The following KCNN3 variants were observed in gnomAD, a reference collection of about 807,000 sequenced individuals.
The protein encoded by KCNN3 is small conductance calcium-activated potassium channel protein 3.
KCNN3 carries 16 observed loss-of-function variants against 62.9 expected under a neutral mutation model. The ratio of observed to expected loss-of-function variants is 0.25; its 90% confidence interval spans 0.17 to 0.39. The LOEUF (loss-of-function observed/expected upper bound fraction) is 0.39. Among genes scored for constraint, KCNN3 ranks in the 10% least tolerant of loss-of-function variants. KCNN3 has a pLI of 1.00. For synonymous variants in KCNN3, 370 were observed against 389.2 expected (o/e 0.95, Z 0.58); for missense variants, 599 against 949.4 (o/e 0.63, Z 4.85).
At chr1:154,816,599 C>T (rs1318256540) in intron 2 of KCNN3, among the ~76,000 whole-genome samples, 1 of 152,124 alleles carries the variant, frequency 6.6e-6, no homozygotes, top group Non-Finnish European at 1.5e-5. Flanking sequence ...TTATTCCATG[C>T]CTGGGGCTCT....
chr1:154,847,280 A>G (rs1652112395), intron 1 of KCNN3, among the ~76,000 whole-genome samples: 2 of 150,556 alleles, frequency 1.3e-5, no homozygotes, highest in South Asian at 4.2e-4. Context: ...CAGCGTGAAT[A>G]TCAGGTCACT....
intron 6 of KCNN3, among the ~76,000 whole-genome samples, chr1:154,714,282 GTGTGT>G (rs1700162821): frequency 3.1e-5 from 4 of 127,606 alleles, no homozygotes; most frequent in African/African-American, 8.9e-5. Flanking sequence ...GGTGTGTGTG[GTGTGT>G]GGTGTGTATG....
chr1:154,758,824 T>TTGTTTTTGTTTTTG (rs143684112), intron 3 of KCNN3, among the ~76,000 whole-genome samples: 2,064 of 152,096 alleles, frequency 0.014, 25 homozygotes, highest in Middle Eastern at 0.02. Context: ...GTTTTTGTTT[T>TTGTTTTTGTTTTTG]TGAGATGGAG....
intron 3 of KCNN3, among the ~76,000 whole-genome samples, chr1:154,766,573 C>A (rs182046454): frequency 4.6e-4 from 69 of 150,034 alleles, no homozygotes; most frequent in African/African-American, 1.6e-3. Context: ...TTCCCAGGCT[C>A]TGCTCAGTTC....
chr1:154,836,345 TC>T (rs1266431733), intron 1 of KCNN3, among the ~76,000 whole-genome samples: 1 of 152,228 alleles, frequency 6.6e-6, no homozygotes, highest in East Asian at 1.9e-4. Flanking sequence ...TAATTTGGGC[TC>T]CTGCCCCCCG....
intron 3 of KCNN3, among the ~76,000 whole-genome samples, chr1:154,751,378 T>A (rs112042901): frequency 0.014 from 2,077 of 152,296 alleles, 31 homozygotes; most frequent in Non-Finnish European, 0.022. Flanking sequence ...AAAAGCCAGG[T>A]GTCTTTCCAG....
At chr1:154,854,188 T>C (rs1324008362) in intron 1 of KCNN3, among the ~76,000 whole-genome samples, 8 of 152,240 alleles carry the variant, frequency 5.3e-5, no homozygotes, top group African/African-American at 1.7e-4. Context: ...TGAGCCGAGA[T>C]TGGGCCACTG....
chr1:154,766,419 TATATA>T, intron 3 of KCNN3, among the ~76,000 whole-genome samples: 1 of 85,438 alleles, frequency 1.2e-5, no homozygotes, highest in South Asian at 4.7e-4. Flanking sequence ...CCAGGCTTTA[TATATA>T]TATATATATA....
At chr1:154,714,492 T>C (rs1278003598) in intron 6 of KCNN3, among the ~76,000 whole-genome samples, 20 of 92,856 alleles carry the variant, frequency 2.2e-4, no homozygotes, top group Non-Finnish European at 3.7e-4. Flanking sequence ...GTGGTTTGTG[T>C]GAGGTGTGTG....
At chr1:154,760,840 AGG>A (rs1647972483) in intron 3 of KCNN3, among the ~76,000 whole-genome samples, 1 of 135,046 alleles carries the variant, frequency 7.4e-6, no homozygotes, top group African/African-American at 2.8e-5. Flanking sequence ...AGGGGCTCCA[AGG>A]GAGGCGCGCG....
intron 2 of KCNN3, among the ~76,000 whole-genome samples, chr1:154,798,568 C>G (rs1649826427): frequency 6.6e-6 from 1 of 152,170 alleles, no homozygotes; most frequent in Non-Finnish European, 1.5e-5. Context: ...GGAGCAGCCT[C>G]TATGGGAGAC....
rs1216244737 is a variant in KCNN3 at position 154,868,038 on chromosome 1, C to T, written c.933+994G>A. 6.1e-6 allele frequency: 6 copies of T among 985,362 alleles called. No individual in the cohort carries two copies. The East Asian group carries it at 4.6e-4, about 75-fold the overall frequency. The allele number at this position is 985,362 out of a possible 1,614,324, so 61.0% of individuals were successfully genotyped here. A position where few individuals can be genotyped will look rare whatever the true frequency, so the allele number is the denominator to read the frequency against. ...GGCTGGAGCAGTGGGGCCAGCTCCC[C>T]GCTAAAGCCAGTGCCTGCTGTTCTC... On this transcript the variant is annotated intron_variant, in intron 1 of 7. Coordinates refer to ENST00000271915, the MANE Select transcript of KCNN3 (RefSeq NM_002249.6).
intron 7 of KCNN3, 140 bp downstream of exon 7, chr1:154,713,324 T>C (rs192628747): frequency 1.3e-5 from 9 of 697,468 alleles, no homozygotes; most frequent in Non-Finnish European, 7.9e-6. Flanking sequence ...AGCCTAGGTA[T>C]TTTTGAACCA....
chr1:154,859,578 A>C, intron 1 of KCNN3: 6 of 952,628 alleles, frequency 6.3e-6, no homozygotes, highest in African/African-American at 1.6e-5. Flanking sequence ...GCCTCCCTGC[A>C]GGGCCCCCTC....
At chr1:154,756,989 C>T (rs1647750915) in intron 3 of KCNN3, among the ~76,000 whole-genome samples, 1 of 152,158 alleles carries the variant, frequency 6.6e-6, no homozygotes, top group South Asian at 2.1e-4. Flanking sequence ...AGAGGCGTGG[C>T]TCAATGCTCC....
At chr1:154,756,243 C>A (rs560938358) in intron 3 of KCNN3, among the ~76,000 whole-genome samples, 1 of 135,818 alleles carries the variant, frequency 7.4e-6, no homozygotes, top group South Asian at 2.3e-4. Flanking sequence ...GCAAGAAGAA[C>A]AAGAAGGCAA....
rs149853321 is a variant in KCNN3, at chr1:154,759,188, G to A, written c.1448+12787C>T. Among the ~76,000 whole-genome samples, 664 of 152,286 alleles carry A rather than the reference G, an allele frequency of 4.4e-3. 4 individuals are homozygous for A. Among genetic ancestry groups the A allele is most frequent in the African/African-American group, 0.015 (635 of 41,548 alleles). ...ATGCAGGGCTTTACCCCAGCCTGGC[G>A]CGGGGGCCCCAAGCTGGCAGTGGAG... On this transcript the variant is annotated intron_variant, in intron 3 of 7. Coordinates refer to ENST00000271915, the MANE Select transcript of KCNN3 (RefSeq NM_002249.6).
At chr1:154,843,161 T>C (rs1054123328) in intron 1 of KCNN3, among the ~76,000 whole-genome samples, 4 of 152,042 alleles carry the variant, frequency 2.6e-5, no homozygotes, top group Admixed American at 2.6e-4. Context: ...CCCAGCCTGT[T>C]TGTAGCCTTG....
chr1:154,711,044 G>A (rs572554036), intron 7 of KCNN3, among the ~76,000 whole-genome samples: 1 of 151,872 alleles, frequency 6.6e-6, no homozygotes, highest in East Asian at 1.9e-4. Context: ...ACATGCACAC[G>A]TATGTTTATT....
Sources: gnomAD v4.1 joint callset for allele counts (sites outside exome capture counted in the v4.1 genomes callset) on GRCh38, gnomAD v4.1.1 for gene constraint, MANE v1.5 for transcripts, NCBI Gene and HGNC (gene_info 2026-07-23, HGNC 2026-07-21) for gene names.